The following GAD1 variants were observed in gnomAD, a reference collection of about 807,000 sequenced individuals.
GAD1 encodes glutamate decarboxylase 1.
GAD1 carries 35 observed loss-of-function variants against 75.2 expected under a neutral mutation model. The observed-to-expected ratio is 0.47, with a 90% CI of 0.36 to 0.62. The LOEUF is 0.62. Ranked by LOEUF, GAD1 falls within the 20% of genes least tolerant of loss-of-function variation. GAD1 has a pLI of 0.00. For synonymous variants in GAD1, 257 were observed against 271.9 expected, an observed-to-expected ratio of 0.95 and a Z score of 0.54; for missense variants, 490 against 758.5, an observed-to-expected ratio of 0.65 and a Z score of 4.16.
In GAD1 at chr2:170,829,488, G is replaced by A. The variant is rs1559273256; in HGVS notation, c.159G>A (p.Arg53=). 2.5e-6 allele frequency: 4 copies of A among 1,610,782 alleles called. No homozygotes were observed. Among genetic ancestry groups the A allele is most frequent in the Middle Eastern group, 1.8e-4 (1 of 5,502 alleles). Residue 53 remains arginine, a synonymous_variant, in exon 4 of 17, where the codon AGG becomes AGA. Transcript: ENST00000358196. ...LGLKICGFLQ[R]TNSLEEKSRL... is the part of the protein sequence containing the mutation. The stretch of plus-strand genomic sequence containing the variant: ...CTTGTGCCATAGGCTTCTTGCAAAG[G>A]ACCAACAGCCTGGAAGAGAAGAGTC...
At chr2:170,849,202 GT>G in intron 11 of GAD1, 83 bp from the exon 12 acceptor site, 7 of 1,187,440 alleles carry the variant, frequency 5.9e-6, no homozygotes, top group Non-Finnish European at 8.8e-6. Flanking sequence ...TCTTGCTCAT[GT>G]TTTAGTAGAA....
intron 7 of GAD1, among the ~76,000 whole-genome samples, chr2:170,845,140 G>A (rs1702602669): frequency 6.6e-6 from 1 of 152,164 alleles, no homozygotes; most frequent in Non-Finnish European, 1.5e-5. Context: ...ATTCATCTTT[G>A]TTCAGTAAAT....
chr2:170,824,371 G>T (rs1701973484), intron 3 of GAD1, among the ~76,000 whole-genome samples: 1 of 133,646 alleles, frequency 7.5e-6, no homozygotes, highest in Non-Finnish European at 1.6e-5. Flanking sequence ...ACAGCTCCCT[G>T]CCTGCCTACA....
intron 14 of GAD1, among the ~76,000 whole-genome samples, chr2:170,856,741 T>A (rs1436156293): frequency 6.6e-6 from 1 of 152,174 alleles, no homozygotes; most frequent in Non-Finnish European, 1.5e-5. Context: ...GATGACACTT[T>A]GAGTAGCACC....
intron 12 of GAD1, among the ~76,000 whole-genome samples, chr2:170,850,432 C>T (rs571296893): frequency 3.9e-5 from 6 of 152,232 alleles, no homozygotes; most frequent in African/African-American, 7.2e-5. Context: ...CTAGGCAGTG[C>T]GAGTGGCAAG....
Position 170,852,380 on chromosome 2 carries a change from T to A in GAD1, c.1185-334T>A, listed in dbSNP as rs1273722657. ...TGCCCAAGCTAACAAATATTAGAGC[T>A]AGGACTCAGACTTAAACAGTTTGGC... On this transcript the variant is annotated intron_variant, in intron 12 of 16. Coordinates refer to ENST00000358196, the MANE Select transcript of GAD1 (RefSeq NM_000817.3). 3 of 367,420 alleles carry A rather than the reference T, an allele frequency of 8.2e-6. No homozygotes were observed. In the Admixed American group the frequency reaches 1.1e-4, roughly 14 times the overall value. The allele number at this position is 367,420 out of a possible 1,614,324, so 22.8% of individuals were successfully genotyped here.
intron 5 of GAD1, among the ~76,000 whole-genome samples, chr2:170,832,827 A>C (rs1168475714): frequency 6.6e-6 from 1 of 152,148 alleles, no homozygotes; most frequent in African/African-American, 2.4e-5. Context: ...AGCTCTCTCT[A>C]ATCAGCAATC....
rs1701715201 is a variant in GAD1 at position 170,817,022 on chromosome 2, T to C, written c.-90T>C. On this transcript the variant is annotated 5_prime_UTR_variant, in exon 1 of 17. Coordinates refer to ENST00000358196, the MANE Select transcript of GAD1 (RefSeq NM_000817.3). ...GCGCTGTGCAGAGGAAAGGCGGGAG[T>C]GCCCGGCTCGCTGTCGCAGAGCCGA... The C allele has an allele frequency of 5.7e-6, 1 of 176,766 alleles. No homozygotes were observed. The highest frequency in any genetic ancestry group is 1.2e-5 in the Non-Finnish European group (1 of 83,842). 10.9% of individuals were successfully genotyped at this position (176,766 alleles called of 1,614,324 possible).
intron 3 of GAD1, among the ~76,000 whole-genome samples, chr2:170,822,750 G>T (rs938356216): frequency 6.6e-6 from 1 of 152,202 alleles, no homozygotes; most frequent in Non-Finnish European, 1.5e-5. Context: ...TTGGGGCTTC[G>T]GAGGCTAAAG....
intron 5 of GAD1, among the ~76,000 whole-genome samples, chr2:170,835,712 A>G (rs900471069): frequency 6.6e-6 from 1 of 152,220 alleles, no homozygotes; most frequent in African/African-American, 2.4e-5. Context: ...CTTGTCTTAA[A>G]ATGAAGTGTT....
At chr2:170,847,493 G>A (rs964686157) in intron 10 of GAD1, among the ~76,000 whole-genome samples, 183 bp from the exon 11 acceptor site, 2 of 152,234 alleles carry the variant, frequency 1.3e-5, no homozygotes, top group African/African-American at 4.8e-5. Flanking sequence ...AAAAATGTTT[G>A]TTGAATAAAT....
At chr2:170,820,906 T>C (rs1167915778) in intron 2 of GAD1, among the ~76,000 whole-genome samples, 1 of 152,238 alleles carries the variant, frequency 6.6e-6, no homozygotes, top group East Asian at 1.9e-4. Context: ...ATGTTGAAAG[T>C]GAAAGCACTT....
chr2:170,824,142 G>GTGTC (rs947450546), intron 3 of GAD1, among the ~76,000 whole-genome samples: 4 of 152,224 alleles, frequency 2.6e-5, no homozygotes, highest in Non-Finnish European at 4.4e-5. Flanking sequence ...TTTCCTCCCT[G>GTGTC]TGTCTGCTCC....
At chr2:170,816,401 C>T (rs1701697976), upstream of GAD1, 2 of 152,220 alleles carry the variant, frequency 1.3e-5, no homozygotes, top group Non-Finnish European at 1.5e-5. Flanking sequence ...ACCCAAAGCG[C>T]GCTTTCGCTC....
intron 14 of GAD1, among the ~76,000 whole-genome samples, chr2:170,855,183 G>GT (rs1702824739): frequency 6.8e-6 from 1 of 146,868 alleles, no homozygotes; most frequent in African/African-American, 2.5e-5. Context: ...TAGATTATTA[G>GT]TTTTTTCCTC....
intron 6 of GAD1, 59 bp from the exon 7 acceptor site, chr2:170,843,986 T>TAAAATAAG: frequency 1.1e-6 from 1 of 946,730 alleles, no homozygotes; most frequent in Non-Finnish European, 1.7e-6. Flanking sequence ...TCTGTGTTCC[T>TAAAATAAG]AAAATAAGTG....
intron 5 of GAD1, among the ~76,000 whole-genome samples, chr2:170,835,091 C>T (rs1323610939): frequency 6.6e-6 from 1 of 152,016 alleles, no homozygotes; most frequent in African/African-American, 2.4e-5. Flanking sequence ...TTCTTAAGAA[C>T]TTTTTTTAAA....
intron 1 of GAD1, chr2:170,817,385 GGCA>G (rs1274442157): frequency 3.3e-5 from 5 of 152,306 alleles, no homozygotes; most frequent in African/African-American, 1.2e-4. Flanking sequence ...AGGGCGCCTG[GGCA>G]GCAGCAGCCG....
At chr2:170,847,830 G>A in intron 11 of GAD1, 38 bp downstream of exon 11, 4 of 1,376,552 alleles carry the variant, frequency 2.9e-6, no homozygotes, top group Non-Finnish European at 3.1e-6. Flanking sequence ...CATGTGGGGG[G>A]TGGAGGCACC....
Sources: allele counts gnomAD v4.1 joint callset (sites outside exome capture counted in the v4.1 genomes callset), GRCh38; gene constraint gnomAD v4.1.1; transcripts MANE v1.5; gene names NCBI Gene and HGNC (gene_info 2026-07-23, HGNC 2026-07-21).